The following KIAA1217 variants were observed in gnomAD, a reference collection of about 807,000 sequenced individuals.
KIAA1217 encodes sickle tail protein homolog.
A neutral mutation model predicts 163.9 loss-of-function variants in KIAA1217; 88 were observed. The ratio of observed to expected loss-of-function variants is 0.54; its 90% confidence interval spans 0.45 to 0.64. The LOEUF is 0.64. Ranked by LOEUF, KIAA1217 falls within the 30% of genes least tolerant of loss-of-function variation. The pLI, the probability that KIAA1217 is intolerant of heterozygous loss-of-function variation, is 0.00. For synonymous variants in KIAA1217, 903 were observed against 923.1 expected (o/e 0.98, Z 0.39); for missense variants, 2,372 against 2,475.0 (o/e 0.96, Z 0.88).
At chr10:24,169,513 A>G (rs1249978920) in intron 2 of KIAA1217, among the ~76,000 whole-genome samples, 2 of 152,210 alleles carry the variant, frequency 1.3e-5, no homozygotes, top group Non-Finnish European at 2.9e-5. Flanking sequence ...AGGATAGGGA[A>G]TTCGTTTTGT....
rs1381111202 is a variant in KIAA1217, at chr10:24,175,937, T to C, written c.-170-43689T>C. Among the ~76,000 whole-genome samples, 5 of 151,886 alleles carry C rather than the reference T, an allele frequency of 3.3e-5. No individual in the cohort carries two copies. The East Asian group carries it at 9.7e-4, about 30-fold the overall frequency. On this transcript the variant is annotated intron_variant, in intron 2 of 18. Coordinates refer to the KIAA1217 transcript ENST00000376462. Reference sequence around the variant, plus strand: ...ATAAAGGCAGTGCGGACCCAAAGAGTGAGCAGCAGCAATATTTATTGCAAA... The same window carrying C: ...ATAAAGGCAGTGCGGACCCAAAGAGCGAGCAGCAGCAATATTTATTGCAAA...
chr10:24,117,719 G>C (rs1031680013), intron 2 of KIAA1217, among the ~76,000 whole-genome samples: 4 of 152,186 alleles, frequency 2.6e-5, no homozygotes, highest in African/African-American at 9.7e-5. Flanking sequence ...GTCTCAATCT[G>C]TGGTCAGGGC....
chr10:24,065,676 A>T (rs2060912520), intron 2 of KIAA1217, among the ~76,000 whole-genome samples: 1 of 152,184 alleles, frequency 6.6e-6, no homozygotes, highest in African/African-American at 2.4e-5. Context: ...TGCAGAGCTG[A>T]GTTCAATTCC....
At chr10:24,048,752 G>A (rs1444271536) in intron 2 of KIAA1217, among the ~76,000 whole-genome samples, 19 of 149,484 alleles carry the variant, frequency 1.3e-4, no homozygotes, top group Non-Finnish European at 2.4e-4. Context: ...AAATATATTG[G>A]CCGGGCGCAG....
At chr10:23,891,768 C>T (rs1463690958) in intron 1 of KIAA1217, among the ~76,000 whole-genome samples, 1 of 151,716 alleles carries the variant, frequency 6.6e-6, no homozygotes, top group South Asian at 2.1e-4. Context: ...ATTTTTTGTA[C>T]TTCTTAGTTT....
intron 1 of KIAA1217, among the ~76,000 whole-genome samples, chr10:23,818,282 T>C (rs537306110): frequency 1.3e-4 from 18 of 143,372 alleles, no homozygotes; most frequent in African/African-American, 4.6e-4. Flanking sequence ...ATATGTTATA[T>C]ATTTATATGT....
At chr10:23,908,760 A>G (rs576519931) in intron 1 of KIAA1217, among the ~76,000 whole-genome samples, 24 of 152,270 alleles carry the variant, frequency 1.6e-4, no homozygotes, top group African/African-American at 5.3e-4. Flanking sequence ...AGATGTTGGC[A>G]TGCATGCGGT....
At chr10:23,885,353 T>C (rs1306414456) in intron 1 of KIAA1217, among the ~76,000 whole-genome samples, 1 of 151,930 alleles carries the variant, frequency 6.6e-6, no homozygotes, top group Admixed American at 6.6e-5. Context: ...TGCTGTACAT[T>C]AGAACTCTAG....
chr10:23,916,362 A>G (rs118179791), intron 1 of KIAA1217, among the ~76,000 whole-genome samples: 2,652 of 152,286 alleles, frequency 0.017, 45 homozygotes, highest in Admixed American at 0.052. Flanking sequence ...GGCTCTAAGC[A>G]AATCTTCCTC....
intron 2 of KIAA1217, among the ~76,000 whole-genome samples, chr10:24,099,549 G>A (rs1024438484): frequency 2.7e-5 from 4 of 146,850 alleles, no homozygotes; most frequent in Admixed American, 6.8e-5. Context: ...ATTCCATGGT[G>A]TATATGTGCC....
chr10:24,432,575 C>T (rs969251887), intron 3 of KIAA1217, among the ~76,000 whole-genome samples: 1 of 152,008 alleles, frequency 6.6e-6, no homozygotes, highest in Non-Finnish European at 1.5e-5. Flanking sequence ...CCCACCACAG[C>T]CTCCTGAGTA....
intron 2 of KIAA1217, among the ~76,000 whole-genome samples, chr10:24,069,466 A>G (rs1217636572): frequency 6.6e-6 from 1 of 152,210 alleles, no homozygotes; most frequent in African/African-American, 2.4e-5. Flanking sequence ...AGACAAGTGG[A>G]ATAGAAGCTT....
chr10:24,309,311 C>T (rs16924545), intron 2 of KIAA1217, among the ~76,000 whole-genome samples: 14,903 of 150,776 alleles, frequency 0.099, 2,067 homozygotes, highest in African/African-American at 0.31. Context: ...ATTGTGTAGA[C>T]CAGTAGACCA....
intron 2 of KIAA1217, among the ~76,000 whole-genome samples, chr10:24,236,288 G>A (rs1204973552): frequency 2.6e-5 from 4 of 151,338 alleles, no homozygotes; most frequent in Non-Finnish European, 4.4e-5. Context: ...TTTTGCTCTT[G>A]TTGCCCAGGC....
chr10:24,140,002 C>A (rs2063987497), intron 2 of KIAA1217, among the ~76,000 whole-genome samples: 1 of 151,748 alleles, frequency 6.6e-6, no homozygotes, highest in Admixed American at 6.6e-5. Context: ...GCAACCTCAG[C>A]ATACTTTTTT....
At chr10:24,278,927 G>T (rs2077595298) in intron 2 of KIAA1217, among the ~76,000 whole-genome samples, 1 of 148,906 alleles carries the variant, frequency 6.7e-6, no homozygotes, top group African/African-American at 2.5e-5. Context: ...CCCAATCTCA[G>T]CTCACTGCAA....
chr10:24,042,434 CA>C (rs1318932762), intron 2 of KIAA1217: 1 of 152,108 alleles, frequency 6.6e-6, no homozygotes, highest in African/African-American at 2.4e-5. Context: ...GAAATTTGGT[CA>C]AACAGCAGCA....
chr10:24,537,019 A>T, intron 17 of KIAA1217, 126 bp downstream of exon 17: 1 of 1,095,246 alleles, frequency 9.1e-7, no homozygotes, highest in East Asian at 2.6e-5. Context: ...TTTTTAACTA[A>T]TGGAGACACA....
chr10:24,498,504 TTAAG>T (rs893878028), intron 8 of KIAA1217, among the ~76,000 whole-genome samples: 12 of 152,110 alleles, frequency 7.9e-5, no homozygotes, highest in Admixed American at 3.3e-4. Flanking sequence ...GAAGATTTTT[TTAAG>T]TGAGTATAGA....
Sources: allele counts gnomAD v4.1 joint callset (sites outside exome capture counted in the v4.1 genomes callset), GRCh38; gene constraint gnomAD v4.1.1; transcripts MANE v1.5; gene names NCBI Gene and HGNC (gene_info 2026-07-23, HGNC 2026-07-21).